MECOM: variants seen among roughly 807,000 people sequenced by gnomAD.
MECOM encodes the protein MDS1 and EVI1 complex locus.
A neutral mutation model predicts 116.3 loss-of-function variants in MECOM; 13 were observed. That is an observed-to-expected ratio of 0.11 (90% CI 0.07 to 0.18). The LOEUF (loss-of-function observed/expected upper bound fraction) is 0.18. MECOM is among the 10% of genes least tolerant of loss of function. The pLI is 1.00. For synonymous variants in MECOM, 528 were observed against 535.2 expected, an observed-to-expected ratio of 0.99 and a Z score of 0.19; for missense variants, 1,299 against 1,509.0, an observed-to-expected ratio of 0.86 and a Z score of 2.31.
At chr3:169,298,366 GAT>G (rs1560102711) in intron 2 of MECOM, among the ~76,000 whole-genome samples, 5 of 151,756 alleles carry the variant, frequency 3.3e-5, no homozygotes, top group African/African-American at 1.2e-4. Flanking sequence ...TATTAAATGA[GAT>G]ATGTATATTA....
At chr3:169,609,618 T>C (rs1327123150) in intron 1 of MECOM, among the ~76,000 whole-genome samples, 2 of 152,180 alleles carry the variant, frequency 1.3e-5, no homozygotes, top group Non-Finnish European at 2.9e-5. Flanking sequence ...ATTTAAGATA[T>C]GTTGGTAGGA....
Position 169,289,627 on chromosome 3 carries a change from T to G in MECOM, c.375+91560A>C, listed in dbSNP as rs16853417. Among the ~76,000 whole-genome samples, 981 of 152,268 alleles carry G rather than the reference T, an allele frequency of 6.4e-3. 82 individuals are homozygous for G. In the East Asian group the frequency reaches 0.17, roughly 27 times the overall value. Reference sequence around the variant, plus strand: ...CCTGACAGGCTGTGCAACCCTCATCTCTTACTCGGCATTTGTATTAGGCCA... The same window carrying G: ...CCTGACAGGCTGTGCAACCCTCATCGCTTACTCGGCATTTGTATTAGGCCA... On this transcript the variant is annotated intron_variant, in intron 2 of 16. Transcript: ENST00000651503.
chr3:169,482,713 C>T (rs1751511703), intron 1 of MECOM, among the ~76,000 whole-genome samples: 1 of 152,162 alleles, frequency 6.6e-6, no homozygotes, highest in South Asian at 2.1e-4. Context: ...TTACTAAAAA[C>T]CATCAGCTGG....
At position 169,439,371 on chromosome 3, in the gene MECOM, T is replaced by G. The variant is rs560458408; in HGVS notation, c.38-57847A>C. On this transcript the variant is annotated intron_variant, in intron 1 of 16. Coordinates refer to ENST00000651503, the MANE Select transcript of MECOM (RefSeq NM_004991.4). ...TTTAATATTAATATAGTTAATATAT[T>G]ATTAACTAAATATTAGTATCCAGAA... 5.4e-5 allele frequency among the ~76,000 whole-genome samples: 8 copies of G among 148,744 alleles called. No homozygotes were observed. The South Asian group carries it at 1.7e-3, about 31-fold the overall frequency.
At chr3:169,406,114 A>G (rs150660189) in intron 1 of MECOM, among the ~76,000 whole-genome samples, 1 of 152,202 alleles carries the variant, frequency 6.6e-6, no homozygotes, top group Admixed American at 6.5e-5. Flanking sequence ...TTTTTTCCCC[A>G]ATTAGCCATG....
chr3:169,517,110 T>TACAACAACA (rs993272309), intron 1 of MECOM, among the ~76,000 whole-genome samples: 6 of 151,946 alleles, frequency 3.9e-5, no homozygotes, highest in African/African-American at 1.2e-4. Context: ...CCATGGATCA[T>TACAACAACA]ACAACAACAA....
intron 2 of MECOM, among the ~76,000 whole-genome samples, chr3:169,267,037 CT>C (rs774151520): frequency 3.3e-5 from 5 of 152,212 alleles, no homozygotes; most frequent in East Asian, 3.8e-4. Flanking sequence ...AGGGGACTGA[CT>C]TATGGACATG....
At chr3:169,632,828 G>A (rs1416636153) in intron 1 of MECOM, among the ~76,000 whole-genome samples, 3 of 152,174 alleles carry the variant, frequency 2.0e-5, no homozygotes, top group Non-Finnish European at 4.4e-5. Flanking sequence ...CTGAACAAAG[G>A]TTGTAAATCA....
chr3:169,189,597 T>C (rs1160289603), intron 2 of MECOM, among the ~76,000 whole-genome samples: 1 of 152,112 alleles, frequency 6.6e-6, no homozygotes, highest in East Asian at 1.9e-4. Context: ...TGGCTTTGGT[T>C]AAAACGTCTT....
At chr3:169,320,754 T>C (rs1481626253) in intron 2 of MECOM, among the ~76,000 whole-genome samples, 3 of 152,226 alleles carry the variant, frequency 2.0e-5, no homozygotes, top group Non-Finnish European at 4.4e-5. Flanking sequence ...ATTGGCCACA[T>C]CTTTATTTTG....
In MECOM at chr3:169,611,054, A is replaced by G. The variant is rs953939506; in HGVS notation, c.37+52282T>C. On this transcript the variant is annotated intron_variant, in intron 1 of 16. Coordinates refer to ENST00000651503, the MANE Select transcript of MECOM (RefSeq NM_004991.4). The surrounding 1 kb of genome is among the most constrained non-coding windows in gnomAD (Gnocchi z 4.1). ...CTTCAGCATTTGTTAAAAATTACCC[A>G]TTCCTGTAGATTCTGAGTCAGTGAG... Among the ~76,000 whole-genome samples, 3 of 152,288 alleles carry G rather than the reference A, an allele frequency of 2.0e-5. No individual in the cohort carries two copies. The highest frequency in any genetic ancestry group is 7.2e-5 in the African/African-American group (3 of 41,560).
At chr3:169,192,952 A>G (rs1747912663) in intron 2 of MECOM, among the ~76,000 whole-genome samples, 1 of 152,036 alleles carries the variant, frequency 6.6e-6, no homozygotes. Context: ...ATGGCTCAAT[A>G]GCAACCTAGA....
intron 1 of MECOM, among the ~76,000 whole-genome samples, chr3:169,639,100 A>G (rs1225422293): frequency 2.6e-5 from 4 of 152,176 alleles, no homozygotes; most frequent in African/African-American, 9.7e-5. Context: ...AGCAACACCC[A>G]TATCAGTCTA....
At position 169,112,882 on chromosome 3, in the gene MECOM, G is replaced by T. The variant is rs1727892086; in HGVS notation, c.2490-8C>A. The T allele has an allele frequency of 6.3e-7, 1 of 1,599,206 alleles. No homozygotes were observed. The highest frequency in any genetic ancestry group is 1.8e-4 in the Middle Eastern group (1 of 5,616). ...AGTTTTCTTTTCTCTACTCTGAAAG[G>T]TTAAAATTAGATTTTGGAGATGAAG... On this transcript the variant is annotated splice_polypyrimidine_tract_variant and splice_region_variant and intron_variant, in intron 8 of 16. Coordinates refer to ENST00000651503, the MANE Select transcript of MECOM (RefSeq NM_004991.4).
At chr3:169,637,381 G>A (rs894856299) in intron 1 of MECOM, among the ~76,000 whole-genome samples, 2 of 152,170 alleles carry the variant, frequency 1.3e-5, no homozygotes, top group African/African-American at 4.8e-5. Context: ...GTTTAGGGTT[G>A]ATTTGTTACA....
intron 2 of MECOM, among the ~76,000 whole-genome samples, chr3:169,354,277 C>T (rs1187317419): frequency 9.9e-5 from 15 of 151,826 alleles, no homozygotes; most frequent in Admixed American, 9.9e-4. Context: ...ACAATAATCC[C>T]AGAAAGATCT....
chr3:169,336,896 C>T (rs1348487609), intron 2 of MECOM, among the ~76,000 whole-genome samples: 1 of 152,070 alleles, frequency 6.6e-6, no homozygotes, highest in Non-Finnish European at 1.5e-5. Flanking sequence ...ATGAACATTA[C>T]CACAGTGTAA....
At chr3:169,226,483 C>T (rs1169409078) in intron 2 of MECOM, among the ~76,000 whole-genome samples, 1 of 152,090 alleles carries the variant, frequency 6.6e-6, no homozygotes, top group East Asian at 1.9e-4. Flanking sequence ...GGAACTTCTC[C>T]ACATTGGTTC....
At chr3:169,116,765 C>T in intron 7 of MECOM, 26 bp from the exon 8 acceptor site, 1 of 1,549,242 alleles carries the variant, frequency 6.5e-7, no homozygotes, top group Non-Finnish European at 8.7e-7. Flanking sequence ...AAAAAAGAAT[C>T]TCAGGCTTTA....
Sources: allele counts gnomAD v4.1 joint callset (sites outside exome capture counted in the v4.1 genomes callset), GRCh38; gene constraint gnomAD v4.1.1; non-coding constraint Gnocchi (gnomAD v3.1); transcripts MANE v1.5; gene names NCBI Gene and HGNC (gene_info 2026-07-23, HGNC 2026-07-21).